CDC42: variants seen among roughly 807,000 people sequenced by gnomAD.
The protein encoded by CDC42 is cell division control protein 42 homolog.
Under a neutral mutation model 20.8 loss-of-function variants are expected in CDC42, and 1 was observed. The observed-to-expected ratio is 0.05, with a 90% CI of 0.02 to 0.23. The LOEUF (loss-of-function observed/expected upper bound fraction) is 0.23, where lower values mean the gene tolerates loss of function less well. CDC42 is among the 10% of genes least tolerant of loss of function. The probability of loss-of-function intolerance (pLI) is 1.00; values close to 1 mark genes in which losing one functional copy is unlikely to be tolerated. For synonymous variants in CDC42, 72 were observed against 84.8 expected, an observed-to-expected ratio of 0.85 and a Z score of 0.83; for missense variants, 49 against 227.9, an observed-to-expected ratio of 0.21 and a Z score of 5.05.
At chr1:22,053,539 C>G (rs1645261725) in intron 1 of CDC42, 1 of 152,214 alleles carries the variant, frequency 6.6e-6, no homozygotes, top group Non-Finnish European at 1.5e-5. Flanking sequence ...AGCCGTCGTT[C>G]TGCTGCTTGG....
intron 5 of CDC42, chr1:22,090,069 G>T: frequency 6.2e-7 from 1 of 1,608,830 alleles, no homozygotes; most frequent in Non-Finnish European, 8.5e-7. Context: ...GCTGCTTCCT[G>T]TCCCACTACT....
In CDC42 at chr1:22,096,520, A is replaced by T. The variant is rs569767667; in HGVS notation, c.*5003A>T. Among the ~76,000 whole-genome samples, 7 of 152,318 alleles carry T rather than the reference A, an allele frequency of 4.6e-5. No homozygotes were observed. The South Asian group carries it at 8.3e-4, about 18-fold the overall frequency. ...ACACATTCATTTGTCATTATTTATC[A>T]AAAACCTGTTCCCTTCCCTGGCACT... On this transcript the variant is annotated 3_prime_UTR_variant, in exon 6 of 6. Transcript: ENST00000656825.
At chr1:22,090,040 T>C in intron 5 of CDC42, 1 of 1,613,528 alleles carries the variant, frequency 6.2e-7, no homozygotes, top group South Asian at 1.1e-5. Context: ...TAAACTGTTT[T>C]CTCCTTCCCT....
intron 1 of CDC42, among the ~76,000 whole-genome samples, chr1:22,060,663 A>G (rs1449521696): frequency 6.6e-6 from 1 of 152,188 alleles, no homozygotes; most frequent in Non-Finnish European, 1.5e-5. Context: ...TTACTTGAAT[A>G]ACACTTATCT....
chr1:22,083,316 T>A (rs1469126370), intron 3 of CDC42, among the ~76,000 whole-genome samples: 1 of 152,012 alleles, frequency 6.6e-6, no homozygotes, highest in Non-Finnish European at 1.5e-5. Context: ...TAAAAATCAT[T>A]TTAAGGCCAG....
intron 1 of CDC42, among the ~76,000 whole-genome samples, chr1:22,069,613 C>CCT (rs1645461732): frequency 9.1e-6 from 1 of 109,766 alleles, no homozygotes; most frequent in Non-Finnish European, 1.8e-5. Flanking sequence ...CATGCCACCA[C>CCT]TTTTTTTTTT....
intron 3 of CDC42, among the ~76,000 whole-genome samples, chr1:22,085,484 T>C (rs914306719): frequency 6.6e-6 from 1 of 152,180 alleles, no homozygotes; most frequent in African/African-American, 2.4e-5. Context: ...AGGGATTGCA[T>C]TGAGTCTGTA....
chr1:22,096,433 T>C lies in CDC42; in HGVS notation c.*4916T>C, dbSNP rs770782001. On this transcript the variant is annotated 3_prime_UTR_variant, in exon 6 of 6. Transcript: ENST00000656825. ...CTCTTGAATAACTATGTCATCTCTT[T>C]CCACTTTGCATTGCTCCCAAGAGAG... is the stretch of plus-strand genomic sequence containing the variant. Among the ~76,000 whole-genome samples the C allele has an allele frequency of 1.3e-5, 2 of 152,216 alleles. No homozygotes were observed. The highest frequency in any genetic ancestry group is 2.9e-5 in the Non-Finnish European group (2 of 68,036).
intron 1 of CDC42, among the ~76,000 whole-genome samples, chr1:22,076,614 T>C (rs16826452): frequency 0.023 from 3,556 of 152,242 alleles, 70 homozygotes; most frequent in South Asian, 0.058. Context: ...GAGGATGAAA[T>C]GTGTGAATAT....
intron 1 of CDC42, among the ~76,000 whole-genome samples, chr1:22,066,699 A>AT (rs11462803): frequency 0.79 from 119,806 of 151,932 alleles, 47,308 homozygotes; most frequent in South Asian, 0.89. Context: ...GGAGATGATG[A>AT]TTCGAGCTGA....
intron 1 of CDC42, among the ~76,000 whole-genome samples, chr1:22,076,304 A>G (rs1645549045): frequency 6.6e-6 from 1 of 152,156 alleles, no homozygotes. Context: ...TATTAAATAC[A>G]AACATTATCC....
intron 1 of CDC42, among the ~76,000 whole-genome samples, chr1:22,060,070 G>A (rs1218706657): frequency 2.0e-5 from 3 of 151,912 alleles, no homozygotes. Flanking sequence ...GGCTGGGTGC[G>A]GTGGCTCATG....
At position 22,096,766 on chromosome 1, in the gene CDC42, T is replaced by TA. The variant is rs1166279786; in HGVS notation, c.*5250dup. Among the ~76,000 whole-genome samples the TA allele has an allele frequency of 6.6e-6, 1 of 152,246 alleles. No homozygotes were observed. The highest frequency in any genetic ancestry group is 1.5e-5 in the Non-Finnish European group (1 of 68,044). Reference sequence around the variant, plus strand: ...AAATTAGAAAAGGCCCTTCCAAAGATACTTTATGAACGACTTGTAATAATT... The same window carrying TA: ...AAATTAGAAAAGGCCCTTCCAAAGATAACTTTATGAACGACTTGTAATAATT... On this transcript the variant is annotated 3_prime_UTR_variant, in exon 6 of 6. Transcript: ENST00000656825.
chr1:22,061,840 C>T (rs1055963360), intron 1 of CDC42, among the ~76,000 whole-genome samples: 1 of 151,840 alleles, frequency 6.6e-6, no homozygotes, highest in Non-Finnish European at 1.5e-5. Flanking sequence ...GGATTACAGG[C>T]GTGAGCCACT....
chr1:22,086,515 C>G lies in CDC42; in HGVS notation c.255C>G (p.Val85=), dbSNP rs761021558. The G allele has an allele frequency of 6.2e-7, 1 of 1,609,644 alleles. No homozygotes were observed. The highest frequency in any genetic ancestry group is 1.1e-5 in the South Asian group (1 of 90,862). ...TDVFLVCFSV[V]SPSSFENVKE... ...TATTTCTAGTCTGTTTTTCAGTGGTCTCTCCATCTTCATTTGAAAACGTGA... is the reference window on the plus strand; with the variant it reads ...TATTTCTAGTCTGTTTTTCAGTGGTGTCTCCATCTTCATTTGAAAACGTGA... Residue 85 remains valine, a synonymous_variant, in exon 4 of 6, where the codon GTC becomes GTG. Coordinates refer to ENST00000656825, the MANE Select transcript of CDC42 (RefSeq NM_001791.4).
intron 1 of CDC42, among the ~76,000 whole-genome samples, chr1:22,056,915 T>C (rs944585001): frequency 2.6e-5 from 4 of 152,264 alleles, no homozygotes; most frequent in Non-Finnish European, 5.9e-5. Context: ...TAGGCTCTGT[T>C]ACTGTTGTTC....
chr1:22,090,192 A>C (rs1557908340), intron 5 of CDC42: 2 of 1,304,444 alleles, frequency 1.5e-6, no homozygotes, highest in African/African-American at 3.0e-5. Flanking sequence ...TCAAGAATGC[A>C]ATATCATATA....
chr1:22,058,689 G>A (rs536221025), intron 1 of CDC42, among the ~76,000 whole-genome samples: 20 of 152,036 alleles, frequency 1.3e-4, no homozygotes, highest in Non-Finnish European at 2.6e-4. Flanking sequence ...TCCATGTTGG[G>A]AGTTTCTCCA....
chr1:22,077,878 A>C (rs1645567607), intron 1 of CDC42, among the ~76,000 whole-genome samples: 1 of 152,240 alleles, frequency 6.6e-6, no homozygotes, highest in South Asian at 2.1e-4. Context: ...ACAGCTGCTG[A>C]GGCCAGCGAT....
Sources: gnomAD v4.1 joint callset for allele counts (sites outside exome capture counted in the v4.1 genomes callset) on GRCh38, gnomAD v4.1.1 for gene constraint, MANE v1.5 for transcripts, NCBI Gene and HGNC (gene_info 2026-07-23, HGNC 2026-07-21) for gene names.